Variants in LNX1 observed in about 807,000 individuals in gnomAD.
LNX1 encodes ligand of numb-protein X 1.
Under a neutral mutation model 68.4 loss-of-function variants are expected in LNX1, and 54 were observed. The observed-to-expected ratio is 0.79, with a 90% CI of 0.63 to 0.99. LNX1 has a LOEUF of 0.99. Ranked by LOEUF, LNX1 falls within the 50% of genes least tolerant of loss-of-function variation. The probability of loss-of-function intolerance (pLI) is 0.00; values close to 1 mark genes in which losing one functional copy is unlikely to be tolerated. For synonymous variants in LNX1, 336 were observed against 350.0 expected (o/e 0.96, Z 0.45); for missense variants, 906 against 926.4 (o/e 0.98, Z 0.29).
chr4:53,490,048 G>A (rs1724575263), intron 6 of LNX1, among the ~76,000 whole-genome samples: 1 of 151,714 alleles, frequency 6.6e-6, no homozygotes, highest in African/African-American at 2.4e-5. Flanking sequence ...TCTGTCTGAA[G>A]GTCTATCTCA....
At chr4:53,498,371 A>C (rs1233518515) in intron 5 of LNX1, among the ~76,000 whole-genome samples, 1 of 152,200 alleles carries the variant, frequency 6.6e-6, no homozygotes, top group African/African-American at 2.4e-5. Context: ...AGAAGGGAGA[A>C]GGCAGAAGAG....
intron 1 of LNX1, chr4:53,576,015 C>G: frequency 2.6e-6 from 4 of 1,567,338 alleles, no homozygotes; most frequent in Non-Finnish European, 2.6e-6. Context: ...ATCTTCCCCC[C>G]ACCAGCCTGA....
intron 6 of LNX1, among the ~76,000 whole-genome samples, chr4:53,483,967 A>C (rs1254262839): frequency 6.6e-6 from 1 of 152,176 alleles, no homozygotes; most frequent in Non-Finnish European, 1.5e-5. Flanking sequence ...TTGGGAGGTG[A>C]TTAGGTCATG....
At chr4:53,535,411 T>C (rs1260260150) in intron 2 of LNX1, among the ~76,000 whole-genome samples, 1 of 152,212 alleles carries the variant, frequency 6.6e-6, no homozygotes, top group Non-Finnish European at 1.5e-5. Context: ...CTCCCGTCCA[T>C]CAAGAATAGC....
chr4:53,608,945 T>A (rs954682052), intron 2 of LNX1, among the ~76,000 whole-genome samples: 5 of 151,974 alleles, frequency 3.3e-5, no homozygotes, highest in Non-Finnish European at 7.4e-5. Context: ...ACAACAGACA[T>A]CAAGGCCTAT....
chr4:53,482,848 T>C (rs371860635), intron 6 of LNX1, among the ~76,000 whole-genome samples: 1 of 152,222 alleles, frequency 6.6e-6, no homozygotes, highest in Admixed American at 6.5e-5. Context: ...CCTAAAGCTA[T>C]TGAAATACAA....
chr4:53,571,781 C>G (rs1345992357), intron 2 of LNX1, among the ~76,000 whole-genome samples: 2 of 152,104 alleles, frequency 1.3e-5, no homozygotes, highest in Non-Finnish European at 2.9e-5. Context: ...CCACCTTAGC[C>G]CCCTGAATCA....
chr4:53,507,250 C>A (rs563879514), intron 4 of LNX1, 67 bp downstream of exon 4: 3 of 1,523,190 alleles, frequency 2.0e-6, no homozygotes, highest in Admixed American at 2.0e-5. Context: ...GATCAGATTG[C>A]GTCATCCCTG....
chr4:53,580,978 C>T (rs1182006362), intron 1 of LNX1, among the ~76,000 whole-genome samples: 4 of 152,094 alleles, frequency 2.6e-5, no homozygotes, highest in Non-Finnish European at 2.9e-5. Context: ...GAAGAACTTC[C>T]ACTGACATTC....
At chr4:53,648,495 C>A (rs1227549585) in intron 1 of LNX1, among the ~76,000 whole-genome samples, 1 of 152,164 alleles carries the variant, frequency 6.6e-6, no homozygotes, top group Non-Finnish European at 1.5e-5. Flanking sequence ...TTTACATATT[C>A]TGGATATTAA....
chr4:53,567,031 C>A (rs1266270653), intron 2 of LNX1, among the ~76,000 whole-genome samples: 4 of 150,290 alleles, frequency 2.7e-5, no homozygotes, highest in Admixed American at 6.6e-5. Context: ...CTTAGACTCC[C>A]ACACATTAAT....
intron 2 of LNX1, among the ~76,000 whole-genome samples, chr4:53,512,414 TTTTC>T (rs765369014): frequency 3.9e-5 from 6 of 151,972 alleles, no homozygotes; most frequent in Non-Finnish European, 8.8e-5. Flanking sequence ...TCAGACCCAT[TTTTC>T]TTTCTCAGTC....
intron 9 of LNX1, among the ~76,000 whole-genome samples, chr4:53,475,336 C>G (rs1318954294): frequency 1.3e-5 from 2 of 152,204 alleles, no homozygotes; most frequent in African/African-American, 4.8e-5. Context: ...CACTCAGGCT[C>G]AGTTCTAAAA....
intron 1 of LNX1, among the ~76,000 whole-genome samples, chr4:53,627,226 C>G (rs55966837): frequency 0.12 from 18,173 of 152,210 alleles, 1,201 homozygotes; most frequent in Non-Finnish European, 0.16. Flanking sequence ...ATGATGGGAA[C>G]AGAGTTTAGA....
intron 5 of LNX1, chr4:53,496,598 CTG>C (rs1725081507): frequency 1.8e-6 from 1 of 545,704 alleles, no homozygotes; most frequent in Admixed American, 3.3e-5. Flanking sequence ...CTCCAGGCCT[CTG>C]TGAGTAGACA....
chr4:53,640,502 A>C (rs1434713889), intron 1 of LNX1, among the ~76,000 whole-genome samples: 1 of 152,224 alleles, frequency 6.6e-6, no homozygotes. Flanking sequence ...AGGATAGAGC[A>C]CTGGCAAGCA....
At chr4:53,475,348 G>C (rs1723493872) in intron 9 of LNX1, among the ~76,000 whole-genome samples, 1 of 152,222 alleles carries the variant, frequency 6.6e-6, no homozygotes, top group Non-Finnish European at 1.5e-5. Flanking sequence ...GTTCTAAAAT[G>C]TCTAAAGGGT....
chr4:53,593,304 T>C (rs918645239), upstream of LNX1, among the ~76,000 whole-genome samples: 2 of 152,208 alleles, frequency 1.3e-5, no homozygotes, highest in Non-Finnish European at 2.9e-5. Flanking sequence ...TTCAGCGGTC[T>C]TGCCTTTGGC....
At chr4:53,602,447 C>A (rs1375789283) in intron 2 of LNX1, among the ~76,000 whole-genome samples, 1 of 152,182 alleles carries the variant, frequency 6.6e-6, no homozygotes, top group African/African-American at 2.4e-5. Flanking sequence ...CAGGAACAAG[C>A]CTGTCTTAGG....
Sources: gnomAD v4.1 joint callset for allele counts (sites outside exome capture counted in the v4.1 genomes callset) on GRCh38, gnomAD v4.1.1 for gene constraint, MANE v1.5 for transcripts, NCBI Gene and HGNC (gene_info 2026-07-23, HGNC 2026-07-21) for gene names.